ITPR2: variants seen among roughly 807,000 people sequenced by gnomAD.
The protein encoded by ITPR2 is inositol 1,4,5-trisphosphate receptor type 2.
Under a neutral mutation model 317.1 loss-of-function variants are expected in ITPR2, and 207 were observed. The observed-to-expected ratio is 0.65, with a 90% CI of 0.58 to 0.73. The LOEUF (loss-of-function observed/expected upper bound fraction) is 0.73. Ranked by LOEUF, ITPR2 falls within the 30% of genes least tolerant of loss-of-function variation. The probability of loss-of-function intolerance (pLI) is 0.00; values close to 1 mark genes in which losing one functional copy is unlikely to be tolerated. For synonymous variants in ITPR2, 1,156 were observed against 1,149.1 expected (o/e 1.01, Z -0.12); for missense variants, 2,613 against 3,284.0 (o/e 0.80, Z 4.99).
At chr12:26,747,108 C>T (rs902358058) in intron 2 of ITPR2, among the ~76,000 whole-genome samples, 3 of 152,176 alleles carry the variant, frequency 2.0e-5, no homozygotes, top group Admixed American at 1.3e-4. Context: ...GTCAAAGCCT[C>T]TATTCTTTTA....
At chr12:26,411,217 C>T (rs1940536984) in intron 52 of ITPR2, 103 bp downstream of exon 52, 3 of 723,546 alleles carry the variant, frequency 4.1e-6, no homozygotes, top group Admixed American at 2.4e-5. Context: ...TATTTCAATC[C>T]ATCATGAAAT....
At chr12:26,498,783 A>G (rs994795072) in intron 37 of ITPR2, among the ~76,000 whole-genome samples, 6 of 152,318 alleles carry the variant, frequency 3.9e-5, no homozygotes, top group African/African-American at 1.4e-4. Context: ...AGAGGACTGA[A>G]CCCTTGAGAA....
At chr12:26,786,513 A>G (rs956528013) in intron 2 of ITPR2, among the ~76,000 whole-genome samples, 7 of 152,070 alleles carry the variant, frequency 4.6e-5, no homozygotes, top group African/African-American at 1.7e-4. Context: ...TCGCATAAGA[A>G]AAAGCTACTA....
intron 2 of ITPR2, among the ~76,000 whole-genome samples, chr12:26,784,778 G>A (rs1437872956): frequency 2.0e-5 from 3 of 146,990 alleles, no homozygotes; most frequent in East Asian, 4.3e-4. Flanking sequence ...TCTGGGAAGT[G>A]GGGAGCGTCT....
intron 55 of ITPR2, among the ~76,000 whole-genome samples, chr12:26,364,937 T>A (rs1205564410): frequency 6.6e-6 from 1 of 152,176 alleles, no homozygotes; most frequent in Non-Finnish European, 1.5e-5. Flanking sequence ...TGAGAGACCA[T>A]CTGATGATCT....
At chr12:26,787,709 C>T (rs1950279042) in intron 2 of ITPR2, among the ~76,000 whole-genome samples, 3 of 152,168 alleles carry the variant, frequency 2.0e-5, no homozygotes, top group Non-Finnish European at 4.4e-5. Flanking sequence ...AGTTTTATCA[C>T]ATGATCCCAG....
intron 1 of ITPR2, among the ~76,000 whole-genome samples, chr12:26,824,434 A>G (rs1236478922): frequency 1.3e-5 from 2 of 152,200 alleles, no homozygotes; most frequent in East Asian, 3.8e-4. Context: ...CATTTTTTCC[A>G]CAATACACCT....
chr12:26,367,944 G>A (rs761437148), intron 55 of ITPR2, among the ~76,000 whole-genome samples: 2 of 152,102 alleles, frequency 1.3e-5, no homozygotes, highest in African/African-American at 2.4e-5. Context: ...CTCGAGCCTC[G>A]ACTACATTTT....
In ITPR2 at chr12:26,476,978, A is replaced by AT. The variant is rs1565548527; in HGVS notation, c.6152_6153insA (p.Met2052TyrfsTer6). 6.2e-7 allele frequency: 1 copy of AT among 1,613,140 alleles called. No individual in the cohort carries two copies. The highest frequency in any genetic ancestry group is 1.7e-5 in the Admixed American group (1 of 60,010). ...TCTCACTGTCATGTCTGCTTTCCAT[A>AT]ATGGCCAGCAAAAGTTTAGATGCAT... On this transcript the variant is annotated frameshift_variant, in exon 44 of 57. Coordinates refer to ENST00000381340, the MANE Select transcript of ITPR2 (RefSeq NM_002223.4). LOFTEE classifies it high-confidence loss of function.
intron 39 of ITPR2, among the ~76,000 whole-genome samples, chr12:26,493,240 C>A (rs969795956): frequency 6.6e-6 from 1 of 152,144 alleles, no homozygotes; most frequent in African/African-American, 2.4e-5. Context: ...CCTAAAGCCA[C>A]TGTGATTGGA....
chr12:26,587,995 G>T (rs1040690064), intron 32 of ITPR2, among the ~76,000 whole-genome samples: 4 of 152,210 alleles, frequency 2.6e-5, no homozygotes, highest in Non-Finnish European at 5.9e-5. Context: ...AAGAAAATAA[G>T]ATTTACAGAT....
chr12:26,566,989 A>G (rs539089655), intron 34 of ITPR2, among the ~76,000 whole-genome samples: 1 of 152,272 alleles, frequency 6.6e-6, no homozygotes, highest in South Asian at 2.1e-4. Context: ...CAAAAATCAA[A>G]CAGAAGACAA....
rs754574514 is a variant in ITPR2 at position 26,716,234 on chromosome 12, T to G, written c.534A>C (p.Val178=). Residue 178 remains valine (V), a synonymous_variant, in exon 6 of 57, where the codon GTA becomes GTC. Transcript: ENST00000381340. ...CAGGCATCAAAACAACTTTATCTCC[T>G]ACAACAATCTAGGAAGCAGAAATAA... ...KLRSEGDNIV[V]GDKVVLMPVN... 61 of 1,605,568 alleles carry G rather than the reference T, an allele frequency of 3.8e-5. No individual in the cohort carries two copies. Among genetic ancestry groups the G allele is most frequent in the Non-Finnish European group, 5.2e-5 (61 of 1,172,948 alleles).
intron 2 of ITPR2, among the ~76,000 whole-genome samples, chr12:26,733,914 A>G (rs1158241047): frequency 2.0e-5 from 3 of 152,358 alleles, no homozygotes; most frequent in East Asian, 1.9e-4. Context: ...ATTTCATTAC[A>G]TAAGTGTCAG....
At chr12:26,796,475 G>A (rs1244483122) in intron 1 of ITPR2, among the ~76,000 whole-genome samples, 2 of 152,188 alleles carry the variant, frequency 1.3e-5, no homozygotes, top group Non-Finnish European at 1.5e-5. Context: ...GTAAGGTTTT[G>A]AATGAATGCA....
At position 26,539,913 on chromosome 12, in the gene ITPR2, G is replaced by C. The variant is rs1306694256; in HGVS notation, c.5073+10334C>G. Among the ~76,000 whole-genome samples the C allele has an allele frequency of 7.2e-5, 11 of 152,240 alleles. No homozygotes were observed. In the East Asian group the frequency reaches 1.2e-3, roughly 16 times the overall value. On this transcript the variant is annotated intron_variant, in intron 37 of 56. Transcript: ENST00000381340. ...GAAGGTCAATGTGCTGCATTGCAGA[G>C]AGCTGGTAACATTTACATCTACTAT...
intron 20 of ITPR2, among the ~76,000 whole-genome samples, chr12:26,655,196 T>C (rs1293208877): frequency 2.0e-5 from 3 of 150,710 alleles, no homozygotes; most frequent in African/African-American, 7.5e-5. Context: ...AAAACTGCCT[T>C]TCTTTATTAC....
At chr12:26,763,250 T>C (rs973823487) in intron 2 of ITPR2, among the ~76,000 whole-genome samples, 1 of 152,086 alleles carries the variant, frequency 6.6e-6, no homozygotes. Context: ...ATACATTTTT[T>C]CTTTGCCAAT....
intron 34 of ITPR2, among the ~76,000 whole-genome samples, chr12:26,567,984 A>ATATATATAT (rs1945036842): frequency 9.3e-5 from 1 of 10,798 alleles, no homozygotes; most frequent in Non-Finnish European, 4.8e-4. Context: ...TATATTATAT[A>ATATATATAT]TATATATATA....
Sources: gnomAD v4.1 joint callset for allele counts (sites outside exome capture counted in the v4.1 genomes callset) on GRCh38, gnomAD v4.1.1 for gene constraint, MANE v1.5 for transcripts, NCBI Gene and HGNC (gene_info 2026-07-23, HGNC 2026-07-21) for gene names.